The following TRAPPC10 variants were observed in gnomAD, a reference collection of about 807,000 sequenced individuals.
TRAPPC10 encodes trafficking protein particle complex subunit 10.
A neutral mutation model predicts 125.5 loss-of-function variants in TRAPPC10; 23 were observed. The ratio of observed to expected loss-of-function variants is 0.18; its 90% CI spans 0.13 to 0.26. TRAPPC10 has a LOEUF of 0.26. Ranked by LOEUF, TRAPPC10 falls within the 10% of genes least tolerant of loss-of-function variation. The pLI is 1.00. For missense variants in TRAPPC10, 1,123 were observed against 1,308.4 expected, an observed-to-expected ratio of 0.86 and a Z score of 2.19; for synonymous variants, 509 against 518.0, an observed-to-expected ratio of 0.98 and a Z score of 0.24.
chr21:44,085,565 C>T (rs1389171971), intron 15 of TRAPPC10, among the ~76,000 whole-genome samples: 1 of 151,974 alleles, frequency 6.6e-6, no homozygotes, highest in East Asian at 1.9e-4. Flanking sequence ...AGTCGTGCGC[C>T]ACGGCCTCTA....
chr21:44,014,088 A>G (rs143990834), intron 1 of TRAPPC10, among the ~76,000 whole-genome samples: 147 of 152,348 alleles, frequency 9.6e-4, no homozygotes, highest in Middle Eastern at 6.8e-3. Context: ...ACGGACATCC[A>G]CACATCTAAT....
intron 18 of TRAPPC10, among the ~76,000 whole-genome samples, chr21:44,091,317 C>T (rs945053079): frequency 2.6e-5 from 4 of 152,250 alleles, no homozygotes; most frequent in Admixed American, 2.0e-4. Flanking sequence ...GCTGTCTCCC[C>T]GTGGCTCCCC....
chr21:44,075,259 C>CTT, intron 9 of TRAPPC10, 106 bp downstream of exon 9: 10 of 777,376 alleles, frequency 1.3e-5, no homozygotes, highest in Non-Finnish European at 1.7e-5. Flanking sequence ...TCATATTACT[C>CTT]ACCATTTGGA....
chr21:44,087,788 G>C lies in TRAPPC10; in HGVS notation c.2629G>C (p.Glu877Gln). Residue 877 changes from glutamate to glutamine, a missense_variant, in exon 17 of 23, where the codon GAA (glutamate) becomes CAA (glutamine). Glu to Gln is a conservative substitution (Grantham distance 29). Transcript: ENST00000291574. This position sits in a 1 kb window ranked among gnomAD's most constrained non-coding sequence, Gnocchi z 4.6. ...LPVAPAYHVI[E>Q]FELEVLSLPS... is the part of the protein sequence containing the mutation. The stretch of plus-strand genomic sequence containing the variant: ...TGTTGCGCCTGCGTACCACGTGATC[G>C]AATTTGAACTGGAAGTTCTCTCTTT... 6.2e-7 allele frequency: 1 copy of C among 1,614,216 alleles called. No individual in the cohort carries two copies. The highest frequency in any genetic ancestry group is 1.1e-5 in the South Asian group (1 of 91,086).
At chr21:44,074,302 G>T (rs2277805) in intron 7 of TRAPPC10, 22 bp from the exon 8 acceptor site, 2 of 1,612,982 alleles carry the variant, frequency 1.2e-6, no homozygotes, top group African/African-American at 1.3e-5. Flanking sequence ...CCCCTCACAC[G>T]TTCGCATTTG....
Position 44,066,984 on chromosome 21 carries a change from C to G in TRAPPC10, c.1038+3199C>G, listed in dbSNP as rs186667703. Among the ~76,000 whole-genome samples the G allele has an allele frequency of 2.0e-3, 298 of 152,254 alleles. 3 individuals are homozygous for G. Among genetic ancestry groups the G allele is most frequent in the African/African-American group, 6.9e-3 (286 of 41,538 alleles). ...AACGGGGAAGATACTTTCTTGAAGG[C>G]CATAATGTGTTTGTTACAATGATTG... On this transcript the variant is annotated intron_variant, in intron 7 of 22. Coordinates refer to ENST00000291574, the MANE Select transcript of TRAPPC10 (RefSeq NM_003274.5).
intron 20 of TRAPPC10, among the ~76,000 whole-genome samples, chr21:44,094,735 G>A (rs1250556533): frequency 6.6e-6 from 1 of 152,194 alleles, no homozygotes; most frequent in Admixed American, 6.5e-5. Context: ...CTTGAGCTAG[G>A]TGAGTAGATA....
chr21:44,092,722 C>G (rs1236099732), intron 19 of TRAPPC10, among the ~76,000 whole-genome samples: 1 of 152,126 alleles, frequency 6.6e-6, no homozygotes, highest in East Asian at 1.9e-4. Flanking sequence ...TTAGGTTGTG[C>G]TGGTTCCTAA....
At chr21:44,067,291 C>A (rs914059667) in intron 7 of TRAPPC10, among the ~76,000 whole-genome samples, 1 of 152,116 alleles carries the variant, frequency 6.6e-6, no homozygotes, top group Non-Finnish European at 1.5e-5. Flanking sequence ...CAGCTGGGAT[C>A]GGTATTCTGA....
intron 7 of TRAPPC10, among the ~76,000 whole-genome samples, chr21:44,070,133 G>C (rs371050735): frequency 6.6e-6 from 1 of 152,148 alleles, no homozygotes; most frequent in African/African-American, 2.4e-5. Context: ...CTTCACGGGA[G>C]GCATAGCAGG....
chr21:44,057,748 C>T (rs78779589), intron 5 of TRAPPC10, among the ~76,000 whole-genome samples: 2,217 of 152,272 alleles, frequency 0.015, 53 homozygotes, highest in African/African-American at 0.049. Context: ...TTGCAAAACA[C>T]AGCCCACCAC....
At chr21:44,016,598 T>C (rs1366996029) in intron 1 of TRAPPC10, among the ~76,000 whole-genome samples, 1 of 152,224 alleles carries the variant, frequency 6.6e-6, no homozygotes, top group African/African-American at 2.4e-5. Context: ...TGAGCAGATA[T>C]GTAGAGCTTC....
At chr21:44,023,356 A>G (rs1327456175) in intron 1 of TRAPPC10, among the ~76,000 whole-genome samples, 2 of 151,816 alleles carry the variant, frequency 1.3e-5, no homozygotes, top group Non-Finnish European at 2.9e-5. Flanking sequence ...TTTCAAAGTG[A>G]GTTGGTTCAC....
intron 7 of TRAPPC10, among the ~76,000 whole-genome samples, chr21:44,066,750 G>T (rs2036481162): frequency 6.6e-6 from 1 of 152,172 alleles, no homozygotes; most frequent in Non-Finnish European, 1.5e-5. Context: ...AATTGCAGCA[G>T]TTTGTATCCT....
intron 4 of TRAPPC10, 85 bp downstream of exon 4, chr21:44,052,561 A>ATTACTAC: frequency 7.6e-7 from 1 of 1,313,736 alleles, no homozygotes; most frequent in Non-Finnish European, 1.0e-6. Context: ...ATAAATATTT[A>ATTACTAC]CTCAGCAATC....
At chr21:44,056,545 A>T (rs150526155) in intron 5 of TRAPPC10, among the ~76,000 whole-genome samples, 1 of 152,348 alleles carries the variant, frequency 6.6e-6, no homozygotes, top group East Asian at 1.9e-4. Flanking sequence ...TGTCCACCTC[A>T]TGAAATCCTT....
chr21:44,044,660 CTTTTTTTTTTTTTT>C (rs34356064), intron 3 of TRAPPC10, among the ~76,000 whole-genome samples: 1 of 86,330 alleles, frequency 1.2e-5, no homozygotes, highest in Admixed American at 1.3e-4. Flanking sequence ...AAAATCATGT[CTTTTTTTTTTTTTT>C]TTTTTTTTTG....
Position 44,079,699 on chromosome 21 carries a change from T to G in TRAPPC10, c.1605T>G (p.Ile535Met), listed in dbSNP as rs2037541969. ...AATGTCAAAAGCACCTTGGACAAAT[T>G]GAAAAGTATCCTTTAATGTTTTCAT... The part of the protein sequence containing the change: ...LAECQKHLGQ[I>M]ENYLQTSSLL... The change falls in exon 12 of 23, where the codon ATT becomes ATG. Residue 535 changes from isoleucine to methionine, a missense_variant. Coordinates refer to ENST00000291574, the MANE Select transcript of TRAPPC10 (RefSeq NM_003274.5). 1 of 1,603,634 alleles carries G rather than the reference T, an allele frequency of 6.2e-7. No homozygotes were observed. The highest frequency in any genetic ancestry group is 1.3e-5 in the African/African-American group (1 of 74,324).
intron 7 of TRAPPC10, among the ~76,000 whole-genome samples, chr21:44,064,069 G>C (rs1475328352): frequency 6.6e-6 from 1 of 152,242 alleles, no homozygotes; most frequent in Non-Finnish European, 1.5e-5. Context: ...CTGTGCTGCT[G>C]CGTGAGCTGT....
Sources: allele counts gnomAD v4.1 joint callset (sites outside exome capture counted in the v4.1 genomes callset), GRCh38; gene constraint gnomAD v4.1.1; non-coding constraint Gnocchi (gnomAD v3.1); transcripts MANE v1.5; gene names NCBI Gene and HGNC (gene_info 2026-07-23, HGNC 2026-07-21).